Variants in SMAD3 observed in about 807,000 individuals in gnomAD.
SMAD3 encodes the protein MAD homolog 3.
Under a neutral mutation model 51.8 loss-of-function variants are expected in SMAD3, and 12 were observed. The ratio of observed to expected loss-of-function variants is 0.23; its 90% CI spans 0.15 to 0.38. SMAD3 has a LOEUF of 0.38. Among genes scored for constraint, SMAD3 ranks in the 10% least tolerant of loss-of-function variants. SMAD3 has a pLI of 1.00. For missense variants in SMAD3, 294 were observed against 565.6 expected (o/e 0.52, Z 4.87); for synonymous variants, 238 against 227.7 (o/e 1.05, Z -0.41).
intron 1 of SMAD3, among the ~76,000 whole-genome samples, chr15:67,123,440 A>G (rs964232313): frequency 3.9e-5 from 6 of 152,236 alleles, no homozygotes; most frequent in African/African-American, 1.4e-4. Context: ...AGGAGTTTGC[A>G]GTGAGCCAAG....
intron 1 of SMAD3, chr15:67,142,795 G>C: frequency 2.2e-6 from 1 of 446,830 alleles, no homozygotes. Flanking sequence ...TGTGAAATAG[G>C]CTTGTGATGT....
intron 1 of SMAD3, among the ~76,000 whole-genome samples, chr15:67,137,791 C>G (rs1218185603): frequency 6.6e-6 from 1 of 152,180 alleles, no homozygotes; most frequent in Non-Finnish European, 1.5e-5. Context: ...GGCCAGAAGG[C>G]CCATAGGGTC....
intron 1 of SMAD3, among the ~76,000 whole-genome samples, chr15:67,078,874 C>T (rs1013039432): frequency 6.6e-6 from 1 of 152,168 alleles, no homozygotes; most frequent in African/African-American, 2.4e-5. Context: ...ACAATGACCT[C>T]CCTCAAGGAG....
intron 1 of SMAD3, among the ~76,000 whole-genome samples, chr15:67,160,972 T>C (rs1595938515): frequency 6.6e-6 from 1 of 150,826 alleles, no homozygotes; most frequent in East Asian, 1.9e-4. Flanking sequence ...GCGGTCTGAT[T>C]TTTTTTTTAT....
intron 5 of SMAD3, among the ~76,000 whole-genome samples, chr15:67,180,525 G>A (rs370669279): frequency 1.3e-5 from 2 of 149,006 alleles, no homozygotes; most frequent in East Asian, 3.9e-4. Flanking sequence ...TTGTGTCCGA[G>A]CCACCCCAAC....
At chr15:67,186,462 G>T (rs1471734880) in intron 7 of SMAD3, among the ~76,000 whole-genome samples, 2 of 152,140 alleles carry the variant, frequency 1.3e-5, no homozygotes, top group South Asian at 4.1e-4. Context: ...AGAGACACAG[G>T]GTCCCCAAGA....
intron 1 of SMAD3, among the ~76,000 whole-genome samples, chr15:67,079,572 C>A (rs1960239646): frequency 1.3e-5 from 2 of 152,176 alleles, no homozygotes; most frequent in South Asian, 4.1e-4. Flanking sequence ...AGCCCACTCA[C>A]ATGGGGTGAT....
chr15:67,071,623 A>T (rs1960055347), intron 1 of SMAD3, among the ~76,000 whole-genome samples: 1 of 152,194 alleles, frequency 6.6e-6, no homozygotes, highest in African/African-American at 2.4e-5. Context: ...CATTCTGGCT[A>T]ACACGGTGAA....
chr15:67,145,920 G>A (rs543548332), intron 1 of SMAD3: 1 of 152,330 alleles, frequency 6.6e-6, no homozygotes, highest in South Asian at 2.1e-4. Flanking sequence ...AGAGTTCAGA[G>A]TTCAGCTCTG....
intron 1 of SMAD3, among the ~76,000 whole-genome samples, chr15:67,146,461 G>A (rs377375762): frequency 1.3e-5 from 2 of 152,206 alleles, no homozygotes; most frequent in Non-Finnish European, 2.9e-5. Flanking sequence ...GTGGAGGTGC[G>A]GCCTAGAGCG....
intron 1 of SMAD3, among the ~76,000 whole-genome samples, chr15:67,146,394 C>T (rs1961974417): frequency 6.6e-6 from 1 of 152,164 alleles, no homozygotes; most frequent in Non-Finnish European, 1.5e-5. Context: ...TGACAGCCTG[C>T]CAGAGACCAG....
At chr15:67,114,303 C>A (rs1410375310) in intron 1 of SMAD3, among the ~76,000 whole-genome samples, 1 of 152,160 alleles carries the variant, frequency 6.6e-6, no homozygotes, top group Non-Finnish European at 1.5e-5. Flanking sequence ...GAGGTCCTGG[C>A]CAAAACTGAA....
chr15:67,098,312 AAAAG>A (rs1960659915), intron 1 of SMAD3, among the ~76,000 whole-genome samples: 1 of 140,344 alleles, frequency 7.1e-6, no homozygotes, highest in African/African-American at 2.7e-5. Flanking sequence ...GACAGATTAA[AAAAG>A]AAGGAAGGAG....
chr15:67,147,396 C>T lies in SMAD3; in HGVS notation c.207-17499C>T, dbSNP rs186081431. Among the ~76,000 whole-genome samples the T allele has an allele frequency of 4.4e-3, 666 of 152,146 alleles. 7 individuals are homozygous for T. Among genetic ancestry groups the T allele is most frequent in the African/African-American group, 0.014 (580 of 41,512 alleles). ...TGTTAGCTTCTTTGTTCAGTTACAC[C>T]GACAGCTGAGTTTTCTATTTGGGGC... is the stretch of plus-strand genomic sequence containing the variant. On this transcript the variant is annotated intron_variant, in intron 1 of 8. Coordinates refer to ENST00000327367, the MANE Select transcript of SMAD3 (RefSeq NM_005902.4).
chr15:67,092,180 C>T (rs1174282560), intron 1 of SMAD3, among the ~76,000 whole-genome samples: 4 of 152,156 alleles, frequency 2.6e-5, no homozygotes, highest in African/African-American at 9.7e-5. Flanking sequence ...CCTGGAAAGT[C>T]AGGGCTCAGC....
At chr15:67,163,730 C>T (rs764059243) in intron 1 of SMAD3, among the ~76,000 whole-genome samples, 39 of 152,136 alleles carry the variant, frequency 2.6e-4, no homozygotes, top group Non-Finnish European at 3.8e-4. Flanking sequence ...CGGGTCATAG[C>T]TGCTTGGCCA....
chr15:67,135,311 A>AGCCCCCGGGCCCAGCCT (rs1372331711), intron 1 of SMAD3, among the ~76,000 whole-genome samples: 1 of 152,188 alleles, frequency 6.6e-6, no homozygotes, highest in East Asian at 1.9e-4. Flanking sequence ...ATCCAGGGGC[A>AGCCCCCGGGCCCAGCCT]GCCCCCGGGC....
rs1238320264 is a variant in SMAD3, at chr15:67,066,149, C to G, written c.-6C>G. 6.3e-7 allele frequency: 1 copy of G among 1,585,558 alleles called. No individual in the cohort carries two copies. Among genetic ancestry groups the G allele is most frequent in the Non-Finnish European group, 8.6e-7 (1 of 1,166,942 alleles). On this transcript the variant is annotated 5_prime_UTR_variant, in exon 1 of 9. Coordinates refer to ENST00000327367, the MANE Select transcript of SMAD3 (RefSeq NM_005902.4). Reference sequence around the variant, plus strand: ...GCTCCTCGCCGCCCGCGCGCCCTCCCCAGCCATGTCGTCCATCCTGCCTTT... The same window carrying G: ...GCTCCTCGCCGCCCGCGCGCCCTCCGCAGCCATGTCGTCCATCCTGCCTTT...
intron 1 of SMAD3, among the ~76,000 whole-genome samples, chr15:67,130,014 G>A (rs1961484356): frequency 6.6e-6 from 1 of 152,230 alleles, no homozygotes; most frequent in Non-Finnish European, 1.5e-5. Flanking sequence ...TACACAGCTA[G>A]TGAGGAGCCG....
Sources: allele counts gnomAD v4.1 joint callset (sites outside exome capture counted in the v4.1 genomes callset), GRCh38; gene constraint gnomAD v4.1.1; transcripts MANE v1.5; gene names NCBI Gene and HGNC (gene_info 2026-07-23, HGNC 2026-07-21).